Variants in PCDHGA11 observed in about 807,000 individuals in gnomAD.
The protein encoded by PCDHGA11 is protocadherin gamma-A11.
A neutral mutation model predicts 60.4 loss-of-function variants in PCDHGA11; 39 were observed. That is an observed-to-expected ratio of 0.65 (90% CI 0.50 to 0.84). PCDHGA11 has a LOEUF of 0.84. Ranked by LOEUF, PCDHGA11 falls within the 40% of genes least tolerant of loss-of-function variation. PCDHGA11 has a pLI of 0.00. For synonymous variants in PCDHGA11, 533 were observed against 510.3 expected, an observed-to-expected ratio of 1.04 and a Z score of -0.60; for missense variants, 1,165 against 1,197.7, an observed-to-expected ratio of 0.97 and a Z score of 0.40.
intron 3 of PCDHGA11, among the ~76,000 whole-genome samples, chr5:141,506,402 G>A (rs1032556978): frequency 2.8e-5 from 4 of 143,790 alleles, no homozygotes; most frequent in East Asian, 2.0e-4. Flanking sequence ...GCAGAAAATC[G>A]CACCACTGCA....
intron 1 of PCDHGA11, chr5:141,427,298 G>C (rs960474831): frequency 4.4e-6 from 2 of 456,752 alleles, no homozygotes; most frequent in East Asian, 1.4e-4. Context: ...TCCTAGATGA[G>C]AATGACAATG....
chr5:141,481,880 C>CTCCA (rs1483509373), intron 1 of PCDHGA11, among the ~76,000 whole-genome samples: 1 of 145,300 alleles, frequency 6.9e-6, no homozygotes, highest in Non-Finnish European at 1.5e-5. Context: ...CGCCACTGCA[C>CTCCA]TCCAGCCTGG....
intron 1 of PCDHGA11, among the ~76,000 whole-genome samples, chr5:141,474,187 T>A (rs2099345004): frequency 6.6e-6 from 1 of 152,210 alleles, no homozygotes; most frequent in South Asian, 2.1e-4. Context: ...ACTACTTACA[T>A]TTTTAAAAGC....
At chr5:141,501,290 T>TACACACACAC (rs55762287) in intron 2 of PCDHGA11, among the ~76,000 whole-genome samples, 12 of 136,162 alleles carry the variant, frequency 8.8e-5, no homozygotes, top group Admixed American at 4.7e-4. Context: ...TATTCCCTTA[T>TACACACACAC]ACACACACAC....
intron 2 of PCDHGA11, among the ~76,000 whole-genome samples, chr5:141,498,949 AAGAG>A (rs1417276243): frequency 1.3e-4 from 18 of 133,552 alleles, no homozygotes; most frequent in African/African-American, 1.9e-4. Context: ...AAGAAAGAAA[AAGAG>A]AGAGAGGGAG....
At chr5:141,481,356 T>A (rs1214829594) in intron 1 of PCDHGA11, among the ~76,000 whole-genome samples, 1 of 152,260 alleles carries the variant, frequency 6.6e-6, no homozygotes, top group East Asian at 1.9e-4. Context: ...CATCTACAGC[T>A]GTTCAATAGA....
chr5:141,450,555 C>T (rs958577638), intron 1 of PCDHGA11, among the ~76,000 whole-genome samples: 4 of 151,710 alleles, frequency 2.6e-5, no homozygotes, highest in East Asian at 1.9e-4. Flanking sequence ...GGCGCAGTCT[C>T]GGCTCACTGC....
intron 1 of PCDHGA11, among the ~76,000 whole-genome samples, chr5:141,451,108 G>A (rs1484218835): frequency 3.3e-5 from 5 of 151,860 alleles, no homozygotes; most frequent in South Asian, 2.1e-4. Flanking sequence ...GATTACAGGC[G>A]TGAGCCACCA....
rs200524415 is a variant in PCDHGA11, at chr5:141,487,436, G to C, written c.2434-7371G>C. 1 of 1,614,176 alleles carries C rather than the reference G, an allele frequency of 6.2e-7. No individual in the cohort carries two copies. Among genetic ancestry groups the C allele is most frequent in the East Asian group, 2.2e-5 (1 of 44,870 alleles). ...CAATGGGATCCTCCGAATCCAGCTAGGGTCAGATGACCCTATCAAGTTTGT... is the reference window on the plus strand; with the variant it reads ...CAATGGGATCCTCCGAATCCAGCTACGGTCAGATGACCCTATCAAGTTTGT... On this transcript the variant is annotated intron_variant, in intron 1 of 3. Coordinates refer to ENST00000398587, the MANE Select transcript of PCDHGA11 (RefSeq NM_018914.3). This position sits in a 1 kb window ranked among gnomAD's most constrained non-coding sequence, Gnocchi z 5.0.
At chr5:141,478,723 A>C in intron 1 of PCDHGA11, 16 of 1,543,220 alleles carry the variant, frequency 1.0e-5, no homozygotes, top group Non-Finnish European at 1.3e-5. Flanking sequence ...GTGGCCTGCC[A>C]GAGTGTGGTT....
Position 141,470,005 on chromosome 5 carries a change from T to A in PCDHGA11, c.2434-24802T>A, listed in dbSNP as rs189976589. Reference sequence around the variant, plus strand: ...AATTAGCTGGTCGTCGTGGCACGCCTGTAATCCCAGCTACTCGGGATGCTG... The same window carrying A: ...AATTAGCTGGTCGTCGTGGCACGCCAGTAATCCCAGCTACTCGGGATGCTG... On this transcript the variant is annotated intron_variant, in intron 1 of 3. Coordinates refer to ENST00000398587, the MANE Select transcript of PCDHGA11 (RefSeq NM_018914.3). 2.4e-4 allele frequency among the ~76,000 whole-genome samples: 37 copies of A among 152,254 alleles called. 2 individuals carry two copies. The highest frequency in any genetic ancestry group is 7.2e-4 in the Admixed American group (11 of 15,274).
chr5:141,465,448 A>G (rs2099103302), intron 1 of PCDHGA11, among the ~76,000 whole-genome samples: 2 of 152,192 alleles, frequency 1.3e-5, no homozygotes, highest in Admixed American at 1.3e-4. Flanking sequence ...TTACCCAAGA[A>G]AACTCTCACC....
chr5:141,442,232 T>A (rs1303447766), intron 1 of PCDHGA11: 2 of 153,276 alleles, frequency 1.3e-5, no homozygotes, highest in Non-Finnish European at 2.9e-5. Context: ...TTCCTTTTTA[T>A]TCTTCCTGAT....
At position 141,423,758 on chromosome 5, in the gene PCDHGA11, G is replaced by GC. The variant is rs1554116873; in HGVS notation, c.2433+98_2433+99insC. 1.7e-4 allele frequency: 62 copies of GC among 366,836 alleles called. 2 individuals are homozygous for GC. The highest frequency in any genetic ancestry group is 4.2e-4 in the Middle Eastern group (1 of 2,358). The allele number at this position is 366,836 out of a possible 1,614,324, so 22.7% of individuals were successfully genotyped here. Reference sequence around the variant, plus strand: ...CTGTTATGAAAACTGTTTGGGGGGGGGGTGGGGCGGCATATATTTAGTTCA... The same window carrying GC: ...CTGTTATGAAAACTGTTTGGGGGGGGCGGTGGGGCGGCATATATTTAGTTCA... On this transcript the variant is annotated intron_variant, in intron 1 of 3. Coordinates refer to ENST00000398587, the MANE Select transcript of PCDHGA11 (RefSeq NM_018914.3).
rs1333419586 is a variant in PCDHGA11 at position 141,485,206 on chromosome 5, C to T, written c.2434-9601C>T. 1 of 1,614,116 alleles carries T rather than the reference C, an allele frequency of 6.2e-7. No individual in the cohort carries two copies. The highest frequency in any genetic ancestry group is 8.5e-7 in the Non-Finnish European group (1 of 1,179,946). ...GCAAGGTGAGAAGCTGGACAGAAAT[C>T]TGGCGGTGGGCTACCCTTTTGTTCC... On this transcript the variant is annotated intron_variant, in intron 1 of 3. Coordinates refer to ENST00000398587, the MANE Select transcript of PCDHGA11 (RefSeq NM_018914.3). The surrounding 1 kb of genome is among the most constrained non-coding windows in gnomAD (Gnocchi z 5.7).
rs1297899765 is a variant in PCDHGA11, at chr5:141,431,815, C to T, written c.2433+8155C>T. ...CCCCAGAAGTGGTCCTCACCTCTCTCGCCAGCTCGGTTCCCGAAAACTCTC... is the reference window on the plus strand; with the variant it reads ...CCCCAGAAGTGGTCCTCACCTCTCTTGCCAGCTCGGTTCCCGAAAACTCTC... On this transcript the variant is annotated intron_variant, in intron 1 of 3. Transcript: ENST00000398587. The surrounding 1 kb of genome is among the most constrained non-coding windows in gnomAD (Gnocchi z 4.8). 5 of 1,614,124 alleles carry T rather than the reference C, an allele frequency of 3.1e-6. No homozygotes were observed. The Admixed American group carries it at 5.0e-5, about 16-fold the overall frequency.
chr5:141,505,557 A>C (rs2099846692), intron 3 of PCDHGA11, 76 bp downstream of exon 3: 1 of 1,606,080 alleles, frequency 6.2e-7, no homozygotes, highest in Non-Finnish European at 8.5e-7. Flanking sequence ...CACCATGCCC[A>C]CGGACTGGAT....
At chr5:141,439,531 G>A (rs1474855779) in intron 1 of PCDHGA11, among the ~76,000 whole-genome samples, 5 of 152,126 alleles carry the variant, frequency 3.3e-5, no homozygotes, top group Admixed American at 3.3e-4. Flanking sequence ...TCTACAGAAC[G>A]CTGTCCTCTC....
At chr5:141,430,425 A>G (rs1298131518) in intron 1 of PCDHGA11, among the ~76,000 whole-genome samples, 3 of 152,076 alleles carry the variant, frequency 2.0e-5, no homozygotes, top group Non-Finnish European at 4.4e-5. Context: ...TAAAGCGAAT[A>G]CGGTAGATTT....
Sources: allele counts gnomAD v4.1 joint callset (sites outside exome capture counted in the v4.1 genomes callset), GRCh38; gene constraint gnomAD v4.1.1; non-coding constraint Gnocchi (gnomAD v3.1); transcripts MANE v1.5; gene names NCBI Gene and HGNC (gene_info 2026-07-23, HGNC 2026-07-21).